RXFP1: variants seen among roughly 807,000 people sequenced by gnomAD.
The protein encoded by RXFP1 is relaxin family peptide receptor 1, also known as relaxin receptor 1.
Under a neutral mutation model 89.8 loss-of-function variants are expected in RXFP1, and 73 were observed. The observed-to-expected ratio is 0.81, with a 90% CI of 0.67 to 0.99. RXFP1 has a LOEUF of 0.99. Among genes scored for constraint, RXFP1 ranks in the 50% least tolerant of loss-of-function variants. The pLI is 0.00. For synonymous variants in RXFP1, 277 were observed against 305.5 expected (o/e 0.91, Z 0.97); for missense variants, 793 against 895.5 (o/e 0.89, Z 1.46).
In RXFP1 at chr4:158,647,169, G is replaced by C. The variant is rs778476041; in HGVS notation, c.1724G>C (p.Gly575Ala). ...CATTCAGAAGATACAGAAAGTATTG[G>C]AGCCCAGATTTATTCAGTGGCAATT... ...PLHSEDTESI[G>A]AQIYSVAIFL... is the part of the protein sequence containing the mutation. The change falls in exon 16 of 18, where the codon GGA (glycine) becomes GCA (alanine). Residue 575 changes from glycine to alanine, a missense_variant. Physicochemically the swap from Gly to Ala is moderately conservative, Grantham distance 60 (BLOSUM62 0). Transcript: ENST00000307765. 3 of 1,601,468 alleles carry C rather than the reference G, an allele frequency of 1.9e-6. No individual in the cohort carries two copies. The Admixed American group carries it at 5.2e-5, about 28-fold the overall frequency.
chr4:158,628,590 T>G, intron 10 of RXFP1, 48 bp from the exon 11 acceptor site: 1 of 897,028 alleles, frequency 1.1e-6, no homozygotes, highest in Non-Finnish European at 1.8e-6. Context: ...TAGTAATTCT[T>G]GTCGGTTACC....
chr4:158,544,345 CT>C (rs1747642821), intron 1 of RXFP1: 1 of 985,094 alleles, frequency 1.0e-6, no homozygotes, highest in South Asian at 4.7e-5. Flanking sequence ...GCATCTCATC[CT>C]TGCACTGAAG....
chr4:158,572,206 C>T (rs1367643372), intron 1 of RXFP1, among the ~76,000 whole-genome samples: 1 of 152,202 alleles, frequency 6.6e-6, no homozygotes, highest in Non-Finnish European at 1.5e-5. Context: ...GTCTATTAAA[C>T]TTTCCTCTCC....
At chr4:158,582,073 T>A (rs897160519) in intron 2 of RXFP1, among the ~76,000 whole-genome samples, 2 of 152,172 alleles carry the variant, frequency 1.3e-5, no homozygotes, top group African/African-American at 4.8e-5. Flanking sequence ...AATCTATTCA[T>A]GAGTGACCCA....
chr4:158,566,727 T>C (rs1753632692), intron 1 of RXFP1, among the ~76,000 whole-genome samples: 1 of 152,280 alleles, frequency 6.6e-6, no homozygotes, highest in Admixed American at 6.5e-5. Flanking sequence ...TGTTGAATCA[T>C]AATGTTATGA....
chr4:158,560,937 A>G (rs533243299), intron 1 of RXFP1, among the ~76,000 whole-genome samples: 1 of 152,364 alleles, frequency 6.6e-6, no homozygotes, highest in South Asian at 2.1e-4. Flanking sequence ...AAGGGCAGCA[A>G]GAGAGAAGGG....
At chr4:158,605,190 A>G in intron 5 of RXFP1, 51 bp downstream of exon 5, 1 of 1,156,740 alleles carries the variant, frequency 8.6e-7, no homozygotes, top group East Asian at 2.4e-5. Context: ...ATTTTTGGCC[A>G]TGTCTTTTTC....
At chr4:158,526,480 C>G (rs1560941003) in intron 1 of RXFP1, among the ~76,000 whole-genome samples, 1 of 152,192 alleles carries the variant, frequency 6.6e-6, no homozygotes, top group Non-Finnish European at 1.5e-5. Flanking sequence ...AAACCAAAAG[C>G]TCTTTCCTTC....
At chr4:158,638,119 GT>G in intron 13 of RXFP1, 40 bp downstream of exon 13, 1 of 1,195,538 alleles carries the variant, frequency 8.4e-7, no homozygotes, top group Non-Finnish European at 1.2e-6. Flanking sequence ...TGATAAAATT[GT>G]TTTTTAAATA....
intron 9 of RXFP1, among the ~76,000 whole-genome samples, chr4:158,624,081 A>G (rs939280593): frequency 6.6e-6 from 1 of 152,174 alleles, no homozygotes; most frequent in Non-Finnish European, 1.5e-5. Context: ...AATAGATATG[A>G]ACTTGAAAGC....
intron 4 of RXFP1, among the ~76,000 whole-genome samples, chr4:158,600,000 G>A (rs1441277913): frequency 1.3e-5 from 2 of 152,134 alleles, no homozygotes; most frequent in Non-Finnish European, 2.9e-5. Context: ...ACCATAAGTG[G>A]TTTGTTGATT....
chr4:158,529,420 G>A (rs777103568), intron 1 of RXFP1, among the ~76,000 whole-genome samples: 8 of 151,736 alleles, frequency 5.3e-5, no homozygotes, highest in East Asian at 1.9e-4. Flanking sequence ...CACCACGCCC[G>A]GCTAATTTTT....
At position 158,526,535 on chromosome 4, in the gene RXFP1, T is replaced by C. The variant is rs117849377; in HGVS notation, c.49+4510T>C. The stretch of plus-strand genomic sequence containing the variant: ...AAGTTGTGAATATTTCAAATTTAGG[T>C]TTTGTTCTCTATCACAACAAAAATA... On this transcript the variant is annotated intron_variant, in intron 1 of 17. Coordinates refer to ENST00000307765, the MANE Select transcript of RXFP1 (RefSeq NM_021634.4). Among the ~76,000 whole-genome samples the C allele has an allele frequency of 2.3e-3, 357 of 152,282 alleles. 4 individuals carry two copies. In the East Asian group the frequency reaches 0.024, roughly 10 times the overall value.
At chr4:158,560,010 C>T (rs1307903988) in intron 1 of RXFP1, among the ~76,000 whole-genome samples, 1 of 152,188 alleles carries the variant, frequency 6.6e-6, no homozygotes, top group Non-Finnish European at 1.5e-5. Context: ...GGAAAGTTTA[C>T]ATAATGTCTG....
At chr4:158,628,608 G>A in intron 10 of RXFP1, 30 bp from the exon 11 acceptor site, 1 of 1,122,638 alleles carries the variant, frequency 8.9e-7, no homozygotes, top group Non-Finnish European at 1.3e-6. Flanking sequence ...ACCTAAAGAA[G>A]TTACAATGTA....
In RXFP1 at chr4:158,629,087, G is replaced by A. The variant is rs555282204; in HGVS notation, c.899+378G>A. 1.1e-4 allele frequency among the ~76,000 whole-genome samples: 16 copies of A among 151,746 alleles called. No homozygotes were observed. The East Asian group carries it at 3.1e-3, about 29-fold the overall frequency. ...TTGTTTTGAGACAGGGTCTCACTCTGTCTCCCAGGCTGGAGTGCAGTGGCA... is the reference window on the plus strand; with the variant it reads ...TTGTTTTGAGACAGGGTCTCACTCTATCTCCCAGGCTGGAGTGCAGTGGCA... On this transcript the variant is annotated intron_variant, in intron 11 of 17. Coordinates refer to ENST00000307765, the MANE Select transcript of RXFP1 (RefSeq NM_021634.4).
chr4:158,572,499 A>G (rs1218570490), intron 1 of RXFP1, among the ~76,000 whole-genome samples, 199 bp from the exon 2 acceptor site: 1 of 152,248 alleles, frequency 6.6e-6, no homozygotes, highest in Non-Finnish European at 1.5e-5. Context: ...GGCAAAGAGG[A>G]AAATGTTGGC....
At chr4:158,642,817 G>T (rs1422586245) in intron 14 of RXFP1, among the ~76,000 whole-genome samples, 2 of 152,188 alleles carry the variant, frequency 1.3e-5, no homozygotes, top group South Asian at 2.1e-4. Flanking sequence ...CACAGGGAGT[G>T]AGGTTAAGAG....
At chr4:158,631,866 G>T (rs1768100311) in intron 11 of RXFP1, among the ~76,000 whole-genome samples, 1 of 152,268 alleles carries the variant, frequency 6.6e-6, no homozygotes, top group African/African-American at 2.4e-5. Context: ...GCTGAGACGG[G>T]ATGATCACTT....
Sources: allele counts gnomAD v4.1 joint callset (sites outside exome capture counted in the v4.1 genomes callset), GRCh38; gene constraint gnomAD v4.1.1; transcripts MANE v1.5; gene names NCBI Gene and HGNC (gene_info 2026-07-23, HGNC 2026-07-21).